The following OR1J2 variants were observed in gnomAD, a reference collection of about 807,000 sequenced individuals.
OR1J2 encodes the protein olfactory receptor 1J2.
For synonymous variants in OR1J2, 142 were observed against 99.7 expected (o/e 1.42, Z -2.52); for missense variants, 304 against 246.1 (o/e 1.24, Z -1.57).
At chr9:122,458,764 T>C in the OR1J2 span, among the ~76,000 whole-genome samples, 1 of 152,110 alleles carries the variant, frequency 6.6e-6, no homozygotes, top group Non-Finnish European at 1.5e-5. Flanking sequence ...AACCATATCA[T>C]GGGGGGTGTT....
the OR1J2 span, among the ~76,000 whole-genome samples, chr9:122,491,778 G>A: frequency 6.6e-6 from 1 of 152,084 alleles, no homozygotes; most frequent in African/African-American, 2.4e-5. Flanking sequence ...AAGCTTTGGT[G>A]GAAGAGTGGG....
chr9:122,489,635 G>C, the OR1J2 span, among the ~76,000 whole-genome samples: 2 of 152,220 alleles, frequency 1.3e-5, no homozygotes, highest in African/African-American at 4.8e-5. Context: ...TATAGGAATA[G>C]ATTGAAATAG....
the OR1J2 span, among the ~76,000 whole-genome samples, chr9:122,462,083 A>G: frequency 1.3e-5 from 2 of 152,102 alleles, no homozygotes. Flanking sequence ...TAATTGTTTT[A>G]TACATTTGGG....
chr9:122,468,760 A>C, the OR1J2 span, among the ~76,000 whole-genome samples: 1 of 152,316 alleles, frequency 6.6e-6, no homozygotes. Context: ...TCCTCATGCC[A>C]TGGAAGCCGT....
At chr9:122,570,457 A>G in the OR1J2 span, among the ~76,000 whole-genome samples, 1 of 152,232 alleles carries the variant, frequency 6.6e-6, no homozygotes, top group Non-Finnish European at 1.5e-5. Flanking sequence ...GTACTAAAAA[A>G]TTAAATGCTT....
chr9:122,553,205 A>G, the OR1J2 span: 3 of 1,613,248 alleles, frequency 1.9e-6, no homozygotes, highest in Non-Finnish European at 2.5e-6. Flanking sequence ...CACACGAACT[A>G]CAAGGGATGG....
At chr9:122,555,679 C>A in the OR1J2 span, among the ~76,000 whole-genome samples, 1 of 152,166 alleles carries the variant, frequency 6.6e-6, no homozygotes, top group South Asian at 2.1e-4. Flanking sequence ...GTAGGGCAGG[C>A]TGGAAACTCA....
At chr9:122,517,059 C>G in the OR1J2 span, among the ~76,000 whole-genome samples, 1 of 152,110 alleles carries the variant, frequency 6.6e-6, no homozygotes, top group African/African-American at 2.4e-5. Flanking sequence ...CAAATGTTTT[C>G]TTATTAATAT....
the OR1J2 span, chr9:122,519,825 C>A: frequency 6.2e-7 from 1 of 1,614,182 alleles, no homozygotes; most frequent in South Asian, 1.1e-5. Flanking sequence ...CCTCAAGGCT[C>A]CATCTACTAA....
the OR1J2 span, among the ~76,000 whole-genome samples, chr9:122,487,032 G>GA: frequency 2.0e-5 from 3 of 151,682 alleles, no homozygotes; most frequent in East Asian, 5.8e-4. Flanking sequence ...GGGGTCCCAG[G>GA]AAAAAAACAA....
chr9:122,495,347 T>C, the OR1J2 span, among the ~76,000 whole-genome samples: 1 of 152,200 alleles, frequency 6.6e-6, no homozygotes, highest in Non-Finnish European at 1.5e-5. Context: ...ACATTTAACA[T>C]AGTCCCAGAC....
the OR1J2 span, among the ~76,000 whole-genome samples, chr9:122,464,173 G>A: frequency 3.3e-3 from 499 of 152,254 alleles, 4 homozygotes; most frequent in Middle Eastern, 0.048. Flanking sequence ...GTTCCCAGGG[G>A]AATTATGGTT....
chr9:122,553,341 G>A, the OR1J2 span: 1 of 1,613,890 alleles, frequency 6.2e-7, no homozygotes, highest in Non-Finnish European at 8.5e-7. Flanking sequence ...CACCATGGTG[G>A]GGAACCTGCT....
At chr9:122,494,898 G>C in the OR1J2 span, among the ~76,000 whole-genome samples, 1 of 152,100 alleles carries the variant, frequency 6.6e-6, no homozygotes, top group South Asian at 2.1e-4. Flanking sequence ...AATTTGCTCA[G>C]CATTTGTTTG....
rs150280924 is a variant in OR1J2 at position 122,511,515 on chromosome 9, G to A, written c.714G>A (p.Leu238=). Residue 238 remains leucine (L), a synonymous_variant, in exon 1 of 1, where the codon TTG becomes TTA. Transcript: ENST00000335302. ...CAACCAAAGGGATCCACAAAGCATT[G>A]TCCACATGTGGCTCCCATCTCTCTG... ...VPSTKGIHKA[L]STCGSHLSVV... 888 of 780,954 alleles carry A rather than the reference G, an allele frequency of 1.1e-3. 19 individuals carry two copies. In the East Asian group the frequency reaches 0.021, roughly 19 times the overall value. The allele number at this position is 780,954 out of a possible 1,614,324, so 48.4% of individuals were successfully genotyped here.
chr9:122,568,887 T>C, the OR1J2 span, among the ~76,000 whole-genome samples: 2 of 152,110 alleles, frequency 1.3e-5, no homozygotes, highest in African/African-American at 4.8e-5. Context: ...ATATGTAGTA[T>C]AGCATCAGTT....
chr9:122,551,653 A>C, the OR1J2 span, among the ~76,000 whole-genome samples: 2 of 152,088 alleles, frequency 1.3e-5, no homozygotes, highest in Non-Finnish European at 2.9e-5. Flanking sequence ...CCCGAGACCC[A>C]CATTTGAGAT....
At chr9:122,484,163 T>G in the OR1J2 span, among the ~76,000 whole-genome samples, 1 of 151,946 alleles carries the variant, frequency 6.6e-6, no homozygotes, top group Non-Finnish European at 1.5e-5. Context: ...TTTTTGGGGG[T>G]TTTTTGTTTG....
chr9:122,491,672 A>G, the OR1J2 span, among the ~76,000 whole-genome samples: 2 of 152,208 alleles, frequency 1.3e-5, no homozygotes, highest in African/African-American at 4.8e-5. Context: ...GACTAGGAGC[A>G]ATGCAAATAA....
Sources: allele counts gnomAD v4.1 joint callset (sites outside exome capture counted in the v4.1 genomes callset), GRCh38; gene constraint gnomAD v4.1.1; transcripts MANE v1.5; gene names NCBI Gene and HGNC (gene_info 2026-07-23, HGNC 2026-07-21).